Variants in KATNIP observed in about 807,000 individuals in gnomAD.
KATNIP encodes katanin interacting protein.
A neutral mutation model predicts 174.0 loss-of-function variants in KATNIP; 126 were observed. The ratio of observed to expected loss-of-function variants is 0.72; its 90% CI spans 0.63 to 0.84. KATNIP has a LOEUF of 0.84. Ranked by LOEUF, KATNIP falls within the 40% of genes least tolerant of loss-of-function variation. The pLI is 0.00. For synonymous variants in KATNIP, 810 were observed against 835.7 expected (o/e 0.97, Z 0.53); for missense variants, 1,958 against 2,109.7 (o/e 0.93, Z 1.41).
chr16:27,654,541 G>T (rs1278981257), intron 6 of KATNIP: 2 of 1,311,252 alleles, frequency 1.5e-6, no homozygotes, highest in Middle Eastern at 2.2e-4. Context: ...GAAGAGCGAG[G>T]CCCCAGCATG....
chr16:27,630,551 T>A (rs2076454556), intron 4 of KATNIP, among the ~76,000 whole-genome samples: 1 of 152,212 alleles, frequency 6.6e-6, no homozygotes, highest in Non-Finnish European at 1.5e-5. Context: ...GTGGCTCTCC[T>A]AGTTTTCACA....
intron 14 of KATNIP, among the ~76,000 whole-genome samples, chr16:27,738,126 C>T (rs750872805): frequency 6.6e-6 from 1 of 152,160 alleles, no homozygotes; most frequent in African/African-American, 2.4e-5. Context: ...GTTCCCATAA[C>T]ACAGGTGAAT....
chr16:27,699,330 G>C (rs2079019999), intron 9 of KATNIP: 2 of 553,170 alleles, frequency 3.6e-6, no homozygotes, highest in Non-Finnish European at 4.6e-6. Context: ...TGTTCCCCAG[G>C]CTCTATCTTG....
intron 6 of KATNIP, among the ~76,000 whole-genome samples, chr16:27,662,699 A>G (rs2077564882): frequency 2.0e-5 from 3 of 152,212 alleles, no homozygotes; most frequent in African/African-American, 2.4e-5. Flanking sequence ...ATATTTTTCA[A>G]TCTTAATGAA....
At chr16:27,578,328 A>G (rs2090573316) in intron 2 of KATNIP, among the ~76,000 whole-genome samples, 1 of 152,140 alleles carries the variant, frequency 6.6e-6, no homozygotes, top group Non-Finnish European at 1.5e-5. Context: ...GTGAGACTCT[A>G]TCTCAAAAAA....
chr16:27,754,690 C>T (rs955372479), intron 18 of KATNIP: 3 of 156,320 alleles, frequency 1.9e-5, no homozygotes, highest in Middle Eastern at 3.2e-3. Flanking sequence ...CCTGCATCCA[C>T]TCTGCCCCGG....
intron 1 of KATNIP, among the ~76,000 whole-genome samples, chr16:27,557,976 C>T (rs556437780): frequency 5.9e-5 from 9 of 152,164 alleles, no homozygotes; most frequent in African/African-American, 2.2e-4. Context: ...GAGACTTTGC[C>T]CTTTAAGAGG....
Position 27,761,451 on chromosome 16 carries a change from C to G in KATNIP, c.3670C>G (p.His1224Asp), listed in dbSNP as rs769762977. 1 of 1,613,740 alleles carries G rather than the reference C, an allele frequency of 6.2e-7. No individual in the cohort carries two copies. Among genetic ancestry groups the G allele is most frequent in the Admixed American group, 1.7e-5 (1 of 59,908 alleles). Residue 1224 changes from histidine (H) to aspartate (D), a missense_variant, in exon 19 of 28, where the codon CAC becomes GAC. Physicochemically the swap from His to Asp is moderately conservative, Grantham distance 81. This residue lies in a region of KATNIP where 1,557 missense variants were observed against 1,617.8 expected (regional missense o/e 0.96). Transcript: ENST00000261588. ...LNFTASWGDL[H>D]YLGLTGLEVV... ...TTTCACTGCCTCCTGGGGAGACTTGCACTACCTGGGGCTCACTGGCCTGGA... is the reference window on the plus strand; with the variant it reads ...TTTCACTGCCTCCTGGGGAGACTTGGACTACCTGGGGCTCACTGGCCTGGA...
chr16:27,668,790 G>A (rs1467754573), intron 6 of KATNIP, among the ~76,000 whole-genome samples: 1 of 152,216 alleles, frequency 6.6e-6, no homozygotes, highest in African/African-American at 2.4e-5. Flanking sequence ...AGGATTGCTT[G>A]AGCCCAAGAG....
chr16:27,699,485 A>C, intron 9 of KATNIP, 49 bp from the exon 10 acceptor site: 5 of 1,610,822 alleles, frequency 3.1e-6, no homozygotes, highest in Non-Finnish European at 4.2e-6. Context: ...AACAGCATGG[A>C]GTGAATGGCT....
Position 27,681,545 on chromosome 16 carries a change from G to A in KATNIP, c.940+15G>A. The A allele has an allele frequency of 6.2e-7, 1 of 1,614,066 alleles. No homozygotes were observed. The highest frequency in any genetic ancestry group is 2.2e-5 in the East Asian group (1 of 44,882). ...GATGTGCTCCAGTAAGAGTTCCGGG[G>A]GCCCCTGAGCAGGGGAGCAGGGCTG... On this transcript the variant is annotated intron_variant, in intron 8 of 27. Coordinates refer to ENST00000261588, the MANE Select transcript of KATNIP (RefSeq NM_015202.5).
chr16:27,552,689 T>G (rs77974513), intron 1 of KATNIP, among the ~76,000 whole-genome samples: 1 of 142,260 alleles, frequency 7.0e-6, no homozygotes, highest in Non-Finnish European at 1.5e-5. Flanking sequence ...AGTGGCAGTT[T>G]TTTTTTTTTT....
chr16:27,741,634 G>A (rs966829768), intron 15 of KATNIP, among the ~76,000 whole-genome samples: 7 of 151,374 alleles, frequency 4.6e-5, no homozygotes, highest in Non-Finnish European at 4.4e-5. Flanking sequence ...CGGGCGCAAT[G>A]GCTCACACCT....
In KATNIP at chr16:27,750,127, G is replaced by T. The variant is rs1379610219; in HGVS notation, c.3167G>T (p.Arg1056Ile). The change falls in exon 16 of 28, where the codon AGA becomes ATA. Residue 1056 changes from arginine to isoleucine, a missense_variant. Physicochemically the swap from Arg to Ile is moderately conservative, Grantham distance 97. This residue lies in a region of KATNIP where 1,557 missense variants were observed against 1,617.8 expected (regional missense o/e 0.96). Coordinates refer to ENST00000261588, the MANE Select transcript of KATNIP (RefSeq NM_015202.5). Reference sequence around the variant, plus strand: ...TGGCTGGCCCCCTTCACGCGGGGCAGATCCCACTCCATCACCATTGACTTC... The same window carrying T: ...TGGCTGGCCCCCTTCACGCGGGGCATATCCCACTCCATCACCATTGACTTC... ...HVWLAPFTRG[R>I]SHSITIDFTH... is the part of the protein sequence containing the mutation. The T allele has an allele frequency of 1.2e-6, 2 of 1,614,148 alleles. No homozygotes were observed. The highest frequency in any genetic ancestry group is 1.6e-4 in the Middle Eastern group (1 of 6,062).
chr16:27,709,043 G>C, intron 13 of KATNIP, 123 bp downstream of exon 13: 1 of 733,642 alleles, frequency 1.4e-6, no homozygotes, highest in South Asian at 1.8e-5. Context: ...ATCTGGCCAG[G>C]TACAGAGGCT....
chr16:27,738,984 A>T (rs529754726), intron 14 of KATNIP, among the ~76,000 whole-genome samples: 1 of 151,044 alleles, frequency 6.6e-6, no homozygotes, highest in South Asian at 2.1e-4. Context: ...TAAGCAGAAG[A>T]CTCCCATGAT....
intron 2 of KATNIP, among the ~76,000 whole-genome samples, chr16:27,609,106 C>T (rs985654854): frequency 2.0e-5 from 3 of 152,138 alleles, no homozygotes; most frequent in African/African-American, 7.2e-5. Context: ...TTTCAGATCC[C>T]TGCTCAAATG....
chr16:27,661,717 C>A (rs2077481066), intron 6 of KATNIP, among the ~76,000 whole-genome samples: 1 of 148,272 alleles, frequency 6.7e-6, no homozygotes, highest in African/African-American at 2.5e-5. Flanking sequence ...TTTGATTTCC[C>A]CCAATTATTT....
At chr16:27,657,770 CGTG>C (rs2077346906) in intron 6 of KATNIP, among the ~76,000 whole-genome samples, 1 of 152,050 alleles carries the variant, frequency 6.6e-6, no homozygotes, top group Admixed American at 6.6e-5. Context: ...ATTAGCTGGG[CGTG>C]GTGGTGTGCA....
Sources: allele counts gnomAD v4.1 joint callset (sites outside exome capture counted in the v4.1 genomes callset), GRCh38; gene constraint gnomAD v4.1.1; regional missense constraint gnomAD v4.1.1; transcripts MANE v1.5; gene names NCBI Gene and HGNC (gene_info 2026-07-23, HGNC 2026-07-21).